Variants in CTNNA3 observed in about 807,000 individuals in gnomAD.
The protein encoded by CTNNA3 is catenin alpha 3.
Under a neutral mutation model 95.7 loss-of-function variants are expected in CTNNA3, and 76 were observed. The ratio of observed to expected loss-of-function variants is 0.79; its 90% CI spans 0.66 to 0.96. The LOEUF (loss-of-function observed/expected upper bound fraction) is 0.96, where lower values mean the gene tolerates loss of function less well. Among genes scored for constraint, CTNNA3 ranks in the 40% least tolerant of loss-of-function variants. CTNNA3 has a pLI of 0.00. For missense variants in CTNNA3, 1,191 were observed against 1,089.8 expected, an observed-to-expected ratio of 1.09 and a Z score of -1.31; for synonymous variants, 431 against 374.4, an observed-to-expected ratio of 1.15 and a Z score of -1.74.
intron 5 of CTNNA3, among the ~76,000 whole-genome samples, chr10:67,264,289 T>A (rs1037042553): frequency 6.6e-6 from 1 of 152,082 alleles, no homozygotes; most frequent in Admixed American, 6.6e-5. Context: ...CCTGCCAGAC[T>A]CCTAAGTCAT....
At chr10:65,948,608 A>G (rs2133201476) in intron 17 of CTNNA3, among the ~76,000 whole-genome samples, 1 of 152,254 alleles carries the variant, frequency 6.6e-6, no homozygotes, top group South Asian at 2.1e-4. Flanking sequence ...TTATTACCAC[A>G]AATCCGTGCT....
chr10:66,033,295 T>A (rs548330742), intron 15 of CTNNA3, among the ~76,000 whole-genome samples: 1 of 151,462 alleles, frequency 6.6e-6, no homozygotes, highest in Admixed American at 6.6e-5. Context: ...CACGCCCGGC[T>A]AATTTTGTTT....
intron 13 of CTNNA3, among the ~76,000 whole-genome samples, chr10:66,147,787 T>TA (rs145186066): frequency 6.7e-6 from 1 of 149,586 alleles, no homozygotes; most frequent in Non-Finnish European, 1.5e-5. Context: ...ATGTATAGTA[T>TA]GTATGTATAG....
At chr10:67,589,223 T>C (rs542387998) in intron 3 of CTNNA3, among the ~76,000 whole-genome samples, 1 of 152,184 alleles carries the variant, frequency 6.6e-6, no homozygotes, top group African/African-American at 2.4e-5. Flanking sequence ...CTTTTTCCTA[T>C]GTGCCTCCAC....
At chr10:66,374,550 A>AAAT (rs1273351043) in intron 12 of CTNNA3, among the ~76,000 whole-genome samples, 2 of 151,968 alleles carry the variant, frequency 1.3e-5, no homozygotes, top group Non-Finnish European at 2.9e-5. Context: ...ATTCAAAGAA[A>AAAT]AATAATATGA....
intron 7 of CTNNA3, among the ~76,000 whole-genome samples, chr10:66,896,537 G>A (rs1285753761): frequency 3.9e-5 from 6 of 152,176 alleles, no homozygotes; most frequent in Non-Finnish European, 8.8e-5. Context: ...CAGTAACATG[G>A]ACTACAGATC....
At chr10:66,553,949 T>A (rs2132115826) in intron 10 of CTNNA3, among the ~76,000 whole-genome samples, 1 of 152,288 alleles carries the variant, frequency 6.6e-6, no homozygotes, top group African/African-American at 2.4e-5. Context: ...AGTTATAATT[T>A]AAATTTGGCA....
At chr10:66,033,026 C>T (rs2079479459) in intron 15 of CTNNA3, among the ~76,000 whole-genome samples, 1 of 152,004 alleles carries the variant, frequency 6.6e-6, no homozygotes, top group Admixed American at 6.6e-5. Context: ...GATGCTTGGG[C>T]TCGACATGTT....
chr10:67,519,316 T>C (rs1839913285), intron 5 of CTNNA3, among the ~76,000 whole-genome samples: 2 of 152,110 alleles, frequency 1.3e-5, no homozygotes, highest in Admixed American at 1.3e-4. Context: ...AAAATAATTA[T>C]AGTCAATTCA....
intron 5 of CTNNA3, among the ~76,000 whole-genome samples, chr10:67,419,412 T>A (rs1845664530): frequency 6.6e-6 from 1 of 151,688 alleles, no homozygotes; most frequent in Non-Finnish European, 1.5e-5. Context: ...AGATTTGTTA[T>A]GTGGGAATAT....
intron 12 of CTNNA3, among the ~76,000 whole-genome samples, chr10:66,299,701 C>G (rs1227056984): frequency 1.3e-5 from 2 of 151,926 alleles, no homozygotes; most frequent in Admixed American, 1.3e-4. Context: ...AGAAACTACA[C>G]AGAATGAAAC....
At chr10:66,812,912 C>T (rs772604737) in intron 7 of CTNNA3, among the ~76,000 whole-genome samples, 1 of 152,138 alleles carries the variant, frequency 6.6e-6, no homozygotes, top group Non-Finnish European at 1.5e-5. Context: ...TACATATCCT[C>T]TTGAATATTA....
chr10:67,007,777 AG>A lies in CTNNA3; in HGVS notation c.1047+172539del, dbSNP rs566606938. Reference sequence around the variant, plus strand: ...ATAAAAATAGTATTTTTAAAAAAAAAGTTCAAAAAATTGTCAAGTAACTCAA... The same window carrying A: ...ATAAAAATAGTATTTTTAAAAAAAAATTCAAAAAATTGTCAAGTAACTCAA... On this transcript the variant is annotated intron_variant, in intron 7 of 17. Coordinates refer to ENST00000433211, the MANE Select transcript of CTNNA3 (RefSeq NM_013266.4). Among the ~76,000 whole-genome samples the A allele has an allele frequency of 1.5e-3, 227 of 152,134 alleles. 1 individual carries two copies. The highest frequency in any genetic ancestry group is 5.2e-3 in the African/African-American group (214 of 41,536).
chr10:67,305,224 C>T (rs1803565741), intron 5 of CTNNA3, among the ~76,000 whole-genome samples: 1 of 151,924 alleles, frequency 6.6e-6, no homozygotes, highest in Non-Finnish European at 1.5e-5. Context: ...TGCAGTGAGC[C>T]GAGATCGCGC....
intron 7 of CTNNA3, among the ~76,000 whole-genome samples, chr10:66,874,397 T>C (rs966259312): frequency 6.6e-6 from 1 of 152,202 alleles, no homozygotes; most frequent in African/African-American, 2.4e-5. Flanking sequence ...CTGAGTCATA[T>C]TGAAAGAAAA....
chr10:66,745,679 T>C (rs1564654449), intron 9 of CTNNA3, among the ~76,000 whole-genome samples: 1 of 134,492 alleles, frequency 7.4e-6, no homozygotes, highest in Non-Finnish European at 1.6e-5. Context: ...AAGCTCCACC[T>C]CCTGGGTTTA....
intron 11 of CTNNA3, among the ~76,000 whole-genome samples, chr10:66,416,312 GA>G (rs1484135856): frequency 1.3e-5 from 2 of 151,274 alleles, no homozygotes; most frequent in African/African-American, 2.4e-5. Flanking sequence ...ATATGGGACA[GA>G]AAAAAAAGTG....
intron 5 of CTNNA3, among the ~76,000 whole-genome samples, chr10:67,482,045 G>T (rs1157699625): frequency 6.6e-6 from 1 of 150,822 alleles, no homozygotes; most frequent in East Asian, 1.9e-4. Context: ...GTTTGTCAAA[G>T]ATCAGATAGT....
chr10:67,320,211 A>G (rs1248079325), intron 5 of CTNNA3, among the ~76,000 whole-genome samples: 1 of 152,198 alleles, frequency 6.6e-6, no homozygotes, highest in African/African-American at 2.4e-5. Flanking sequence ...AAGTTAATCT[A>G]GAGGGAGTCT....
Sources: allele counts gnomAD v4.1 joint callset (sites outside exome capture counted in the v4.1 genomes callset), GRCh38; gene constraint gnomAD v4.1.1; transcripts MANE v1.5; gene names NCBI Gene and HGNC (gene_info 2026-07-23, HGNC 2026-07-21).